Variants in RBM18 observed in about 807,000 individuals in gnomAD.
The protein encoded by RBM18 is RNA binding motif protein 18, also known as probable RNA-binding protein 18.
RBM18 carries 18 observed loss-of-function variants against 26.4 expected under a neutral mutation model. The ratio of observed to expected loss-of-function variants is 0.68; its 90% CI spans 0.47 to 1.01. The LOEUF (loss-of-function observed/expected upper bound fraction) is 1.01, where lower values mean the gene tolerates loss of function less well. RBM18 is among the 50% of genes least tolerant of loss of function. The pLI is 0.00. For synonymous variants in RBM18, 74 were observed against 81.1 expected (o/e 0.91, Z 0.47); for missense variants, 180 against 219.2 (o/e 0.82, Z 1.13).
rs781003949 is a variant in RBM18 at position 122,241,946 on chromosome 9, T to G, written c.511A>C (p.Lys171Gln). ...GTAGTCCTTTTTTTATCTGGTGGCT[T>G]AAAGTAGGAATAAACAGGCGCTGCT... ...YPAAPVYSYF[K>Q]PPDKKRTTPY... Residue 171 changes from lysine to glutamine, a missense_variant, in exon 6 of 6, where the codon AAG becomes CAG. By Grantham distance (53) the Lys-to-Gln change is moderately conservative. Transcript: ENST00000417201. The G allele has an allele frequency of 1.2e-6, 2 of 1,614,062 alleles. No individual in the cohort carries two copies. The highest frequency in any genetic ancestry group is 3.3e-5 in the Admixed American group (2 of 60,024).
At chr9:122,254,419 C>T (rs1318363064) in intron 2 of RBM18, 4 of 331,652 alleles carry the variant, frequency 1.2e-5, no homozygotes, top group African/African-American at 8.9e-5. Context: ...GAGATGGGGA[C>T]TGCAGGCTCT....
At chr9:122,249,745 A>G (rs1461449330) in intron 3 of RBM18, among the ~76,000 whole-genome samples, 1 of 151,292 alleles carries the variant, frequency 6.6e-6, no homozygotes, top group South Asian at 2.1e-4. Flanking sequence ...TTCTCACCAC[A>G]CTTCATTTTA....
intron 4 of RBM18, 107 bp from the exon 5 acceptor site, chr9:122,245,448 C>G (rs1814191211): frequency 6.3e-6 from 4 of 633,462 alleles, no homozygotes; most frequent in Non-Finnish European, 1.1e-5. Flanking sequence ...CAGCTTACTT[C>G]TAGACAATTT....
At chr9:122,260,723 T>C (rs1411188444) in intron 2 of RBM18, among the ~76,000 whole-genome samples, 1 of 152,184 alleles carries the variant, frequency 6.6e-6, no homozygotes, top group Non-Finnish European at 1.5e-5. Context: ...AGGGTAGTAG[T>C]TGACAAAAGA....
chr9:122,260,010 A>G (rs1831760865), intron 2 of RBM18, among the ~76,000 whole-genome samples: 1 of 152,114 alleles, frequency 6.6e-6, no homozygotes, highest in Non-Finnish European at 1.5e-5. Context: ...TGTCTTTAAC[A>G]CTATTCTAAA....
chr9:122,255,369 C>A (rs12685667), intron 2 of RBM18, among the ~76,000 whole-genome samples: 71,691 of 151,878 alleles, frequency 0.47, 17,806 homozygotes, highest in East Asian at 0.83. Context: ...GGGGTGAACA[C>A]ACTGTTCTTG....
chr9:122,254,979 G>A (rs1167064341), intron 2 of RBM18, among the ~76,000 whole-genome samples: 1 of 152,196 alleles, frequency 6.6e-6, no homozygotes, highest in Non-Finnish European at 1.5e-5. Context: ...GTGAAAAAGG[G>A]TCTGATCCAT....
In RBM18 at chr9:122,244,606, G is replaced by A. The variant is rs541580891; in HGVS notation, c.413+650C>T. Among the ~76,000 whole-genome samples, 15 of 152,278 alleles carry A rather than the reference G, an allele frequency of 9.9e-5. No individual in the cohort carries two copies. The South Asian group carries it at 2.1e-3, about 21-fold the overall frequency. ...TGTTTAGCACAGTGCCTGCTTCAGCGTAAGCTCAATAAATCCTGGCTATTG... is the reference window on the plus strand; with the variant it reads ...TGTTTAGCACAGTGCCTGCTTCAGCATAAGCTCAATAAATCCTGGCTATTG... On this transcript the variant is annotated intron_variant, in intron 5 of 5. Transcript: ENST00000417201.
chr9:122,245,526 A>G (rs1299695949), intron 4 of RBM18, among the ~76,000 whole-genome samples, 185 bp from the exon 5 acceptor site: 1 of 152,208 alleles, frequency 6.6e-6, no homozygotes, highest in East Asian at 1.9e-4. Flanking sequence ...CTGTAAGTTT[A>G]GAAAAAGAAG....
At chr9:122,261,353 TA>T (rs778837222) in intron 2 of RBM18, 26 bp downstream of exon 2, 1 of 1,513,402 alleles carries the variant, frequency 6.6e-7, no homozygotes, top group East Asian at 2.3e-5. Flanking sequence ...ATATTGTAGG[TA>T]AAAAACTAAG....
At chr9:122,248,754 C>T (rs1408307373) in intron 3 of RBM18, among the ~76,000 whole-genome samples, 1 of 152,166 alleles carries the variant, frequency 6.6e-6, no homozygotes, top group Non-Finnish European at 1.5e-5. Flanking sequence ...CCAAGTGTAA[C>T]CCATGTTTAG....
chr9:122,259,178 C>G (rs1831746856), intron 2 of RBM18, among the ~76,000 whole-genome samples: 1 of 152,144 alleles, frequency 6.6e-6, no homozygotes. Flanking sequence ...ATGACATAAA[C>G]TGAGGTGGCA....
intron 2 of RBM18, chr9:122,254,433 A>G (rs1026601963): frequency 3.5e-5 from 9 of 257,062 alleles, no homozygotes; most frequent in Non-Finnish European, 4.9e-5. Context: ...AGGCTCTGAT[A>G]GTGAAAAAAG....
chr9:122,247,751 G>A, intron 3 of RBM18, 147 bp from the exon 4 acceptor site: 1 of 631,242 alleles, frequency 1.6e-6, no homozygotes, highest in Non-Finnish European at 2.8e-6. Context: ...AATTTTACAA[G>A]GCAGAATTTT....
chr9:122,242,189 A>G, intron 5 of RBM18, 146 bp from the exon 6 acceptor site: 1 of 779,080 alleles, frequency 1.3e-6, no homozygotes, highest in South Asian at 2.1e-5. Flanking sequence ...TATAAAAGCC[A>G]GAAATAACTA....
intron 3 of RBM18, 107 bp downstream of exon 3, chr9:122,251,740 A>G (rs1200778215): frequency 1.2e-5 from 12 of 973,920 alleles, no homozygotes; most frequent in Non-Finnish European, 1.9e-5. Context: ...TGAATCAGAC[A>G]TGGCTCCTGC....
At position 122,240,454 on chromosome 9, in the gene RBM18, A is replaced by G. The variant is rs1831398447; in HGVS notation, c.*1430T>C. ...AAAACCTCCCTCTACTGAAGTTTTG[A>G]TTCAAATGTCTTAAATTCATTTATA... On this transcript the variant is annotated 3_prime_UTR_variant, in exon 6 of 6. Coordinates refer to ENST00000417201, the MANE Select transcript of RBM18 (RefSeq NM_033117.4). 6.6e-6 allele frequency: 1 copy of G among 152,240 alleles called. No individual in the cohort carries two copies. Among genetic ancestry groups the G allele is most frequent in the South Asian group, 2.1e-4 (1 of 4,832 alleles). The allele number at this position is 152,240 out of a possible 1,614,324, so 9.4% of individuals were successfully genotyped here.
intron 3 of RBM18, among the ~76,000 whole-genome samples, chr9:122,249,838 A>C (rs1355183537): frequency 6.6e-6 from 1 of 152,064 alleles, no homozygotes; most frequent in Non-Finnish European, 1.5e-5. Flanking sequence ...TGGGAGGCAG[A>C]GAAGGGCAGT....
intron 2 of RBM18, among the ~76,000 whole-genome samples, chr9:122,259,103 G>A (rs1831745719): frequency 6.6e-6 from 1 of 151,960 alleles, no homozygotes; most frequent in African/African-American, 2.4e-5. Flanking sequence ...ATATCAGTGG[G>A]AAAGTTCTGA....
Sources: gnomAD v4.1 joint callset for allele counts (sites outside exome capture counted in the v4.1 genomes callset) on GRCh38, gnomAD v4.1.1 for gene constraint, MANE v1.5 for transcripts, NCBI Gene and HGNC (gene_info 2026-07-23, HGNC 2026-07-21) for gene names.